MYLK: variants seen among roughly 807,000 people sequenced by gnomAD.
MYLK encodes the protein myosin light chain kinase, also known as myosin light chain kinase, smooth muscle.
In MYLK, 106 loss-of-function variants were observed where a neutral mutation model predicts 203.4. The observed-to-expected ratio is 0.52, with a 90% CI of 0.45 to 0.61. The LOEUF (loss-of-function observed/expected upper bound fraction) is 0.61. MYLK is among the 20% of genes least tolerant of loss of function. The pLI is 0.00. For missense variants in MYLK, 2,072 were observed against 2,442.3 expected, an observed-to-expected ratio of 0.85 and a Z score of 3.20; for synonymous variants, 867 against 959.5, an observed-to-expected ratio of 0.90 and a Z score of 1.78.
chr3:123,640,811 A>G lies in MYLK; in HGVS notation c.4620-307T>C, dbSNP rs28379981. Among the ~76,000 whole-genome samples, 818 of 152,310 alleles carry G rather than the reference A, an allele frequency of 5.4e-3. 3 individuals are homozygous for G. Among genetic ancestry groups the G allele is most frequent in the African/African-American group, 0.019 (802 of 41,572 alleles). On this transcript the variant is annotated intron_variant, in intron 27 of 33. Transcript: ENST00000360304. The surrounding 1 kb of genome is among the most constrained non-coding windows in gnomAD (Gnocchi z 4.3). ...CAGACATGATCTTCTTAGCAAAAAG[A>G]GTGACCTCTAAACAGTCTCTTTCCC...
At chr3:123,636,495 C>T (rs998992861) in intron 29 of MYLK, among the ~76,000 whole-genome samples, 1 of 152,242 alleles carries the variant, frequency 6.6e-6, no homozygotes, top group Non-Finnish European at 1.5e-5. Flanking sequence ...GACCCTGGGA[C>T]CAAGCGAGAC....
intron 8 of MYLK, among the ~76,000 whole-genome samples, chr3:123,736,070 A>G (rs576417971): frequency 6.6e-6 from 1 of 152,332 alleles, no homozygotes; most frequent in South Asian, 2.1e-4. Context: ...GGGCAGGCAC[A>G]CATTGCTCTG....
At chr3:123,866,633 T>C (rs2032345795) in intron 2 of MYLK, among the ~76,000 whole-genome samples, 1 of 152,128 alleles carries the variant, frequency 6.6e-6, no homozygotes, top group Admixed American at 6.5e-5. Context: ...AAAGGCCTCA[T>C]GGAGAGGTGA....
intron 2 of MYLK, among the ~76,000 whole-genome samples, chr3:123,866,929 C>T (rs1437179997): frequency 6.6e-6 from 1 of 152,146 alleles, no homozygotes; most frequent in East Asian, 1.9e-4. Context: ...AACCTGAGAT[C>T]TGCATGTCTG....
intron 2 of MYLK, among the ~76,000 whole-genome samples, chr3:123,842,045 A>G (rs2066603678): frequency 6.6e-6 from 1 of 152,144 alleles, no homozygotes; most frequent in Non-Finnish European, 1.5e-5. Context: ...ATATAAATGG[A>G]CCAAATTCAC....
chr3:123,701,511 TGAA>T lies in MYLK; in HGVS notation c.2391-5_2391-3del, dbSNP rs762920311. On this transcript the variant is annotated splice_region_variant and splice_polypyrimidine_tract_variant and intron_variant, in intron 16 of 33. Coordinates refer to ENST00000360304, the MANE Select transcript of MYLK (RefSeq NM_053025.4). Reference sequence around the variant, plus strand: ...CAACTGCATTCGCCAACCCGGTTCCTGAAGAATTCCAAAGATCAATAAAGATCA... The same window carrying T: ...CAACTGCATTCGCCAACCCGGTTCCTGAATTCCAAAGATCAATAAAGATCA... The T allele has an allele frequency of 6.2e-7, 1 of 1,613,740 alleles. No homozygotes were observed. Among genetic ancestry groups the T allele is most frequent in the Non-Finnish European group, 8.5e-7 (1 of 1,179,958 alleles).
intron 2 of MYLK, among the ~76,000 whole-genome samples, chr3:123,857,100 C>T (rs531205714): frequency 4.6e-5 from 7 of 152,036 alleles, no homozygotes; most frequent in African/African-American, 7.2e-5. Context: ...CAATGAGATA[C>T]CATCTCACAC....
chr3:123,656,306 T>C (rs1411158725), intron 24 of MYLK, among the ~76,000 whole-genome samples: 2 of 152,120 alleles, frequency 1.3e-5, no homozygotes, highest in African/African-American at 2.4e-5. Context: ...AATCCCTGCT[T>C]TTTCCCTAGT....
In MYLK at chr3:123,786,250, C is replaced by T. The variant is rs544631160; in HGVS notation, c.165+7427G>A. 5.1e-4 allele frequency among the ~76,000 whole-genome samples: 78 copies of T among 151,606 alleles called. No homozygotes were observed. In the South Asian group the frequency reaches 8.8e-3, roughly 17 times the overall value. On this transcript the variant is annotated intron_variant, in intron 4 of 33. Coordinates refer to ENST00000360304, the MANE Select transcript of MYLK (RefSeq NM_053025.4). ...CCTGGGAGGCGGAGGTTGCAGTGAA[C>T]CGCGATTGTGTCACTGCACTCCAGC...
chr3:123,774,115 A>C (rs950959027), intron 4 of MYLK, among the ~76,000 whole-genome samples: 5 of 152,194 alleles, frequency 3.3e-5, no homozygotes, highest in Admixed American at 1.3e-4. Context: ...TGTTTTCAAT[A>C]AGGCTCCACT....
chr3:123,743,071 T>G (rs1253672328), intron 5 of MYLK, among the ~76,000 whole-genome samples: 1 of 152,216 alleles, frequency 6.6e-6, no homozygotes, highest in African/African-American at 2.4e-5. Context: ...ACACTGTGAA[T>G]GTACTTAATG....
intron 19 of MYLK, chr3:123,692,467 T>C (rs1411439227): frequency 1.1e-5 from 13 of 1,174,922 alleles, no homozygotes; most frequent in Non-Finnish European, 1.3e-5. Flanking sequence ...CTCAGAAGGT[T>C]CTGGGTGTGG....
chr3:123,750,404 A>G (rs564996783), intron 5 of MYLK, among the ~76,000 whole-genome samples: 2 of 152,260 alleles, frequency 1.3e-5, no homozygotes, highest in South Asian at 2.1e-4. Flanking sequence ...ATGAGCTACT[A>G]AAAATTTTCC....
At chr3:123,735,671 C>A (rs1337623456) in intron 8 of MYLK, 12 of 479,102 alleles carry the variant, frequency 2.5e-5, no homozygotes, top group East Asian at 3.4e-5. Flanking sequence ...TGTTTCTGTT[C>A]ACTAAACAGA....
At chr3:123,677,778 A>G (rs2060116994) in intron 20 of MYLK, among the ~76,000 whole-genome samples, 1 of 151,222 alleles carries the variant, frequency 6.6e-6, no homozygotes, top group South Asian at 2.1e-4. Flanking sequence ...ATTGCATTGT[A>G]GTTATGTTCT....
In MYLK at chr3:123,697,615, G is replaced by A. The variant is rs2060985431; in HGVS notation, c.3448+2405C>T. Among the ~76,000 whole-genome samples the A allele has an allele frequency of 2.0e-5, 3 of 152,252 alleles. No homozygotes were observed. In the South Asian group the frequency reaches 6.2e-4, roughly 32 times the overall value. Reference sequence around the variant, plus strand: ...ACCCCCAGCACCTTGCATTTGGCAAGGTACTTAACTTCTCTGTTAGGTGGA... The same window carrying A: ...ACCCCCAGCACCTTGCATTTGGCAAAGTACTTAACTTCTCTGTTAGGTGGA... On this transcript the variant is annotated intron_variant, in intron 18 of 33. Coordinates refer to ENST00000360304, the MANE Select transcript of MYLK (RefSeq NM_053025.4).
At chr3:123,731,916 CAGA>C (rs1168694199) in intron 11 of MYLK, among the ~76,000 whole-genome samples, 1 of 151,222 alleles carries the variant, frequency 6.6e-6, no homozygotes, top group African/African-American at 2.4e-5. Context: ...TCAGGATTGG[CAGA>C]AGATTATCAA....
intron 24 of MYLK, among the ~76,000 whole-genome samples, chr3:123,655,882 C>T (rs2059375988): frequency 6.6e-6 from 1 of 152,224 alleles, no homozygotes; most frequent in South Asian, 2.1e-4. Context: ...GTGCTCAATA[C>T]ATGTTAGCCA....
rs1257348978 is a variant in MYLK at position 123,613,292 on chromosome 3, A to G, written c.*813T>C. 2.0e-5 allele frequency: 3 copies of G among 152,188 alleles called. No individual in the cohort carries two copies. Among genetic ancestry groups the G allele is most frequent in the Admixed American group, 1.3e-4 (2 of 15,276 alleles). 9.4% of individuals were successfully genotyped at this position (152,188 alleles called of 1,614,324 possible). On this transcript the variant is annotated 3_prime_UTR_variant, in exon 34 of 34. Transcript: ENST00000360304. ...ACGTTCAGAGCTGATATTCTATAAC[A>G]GCACAAATAAGAATCCTGGTTTACA... is the stretch of plus-strand genomic sequence containing the variant.
Sources: gnomAD v4.1 joint callset for allele counts (sites outside exome capture counted in the v4.1 genomes callset) on GRCh38, gnomAD v4.1.1 for gene constraint, Gnocchi (gnomAD v3.1) non-coding constraint, MANE v1.5 for transcripts, NCBI Gene and HGNC (gene_info 2026-07-23, HGNC 2026-07-21) for gene names.